Variants in MYRIP observed in about 807,000 individuals in gnomAD.
The protein encoded by MYRIP is rab effector MyRIP.
A neutral mutation model predicts 98.0 loss-of-function variants in MYRIP; 49 were observed. The ratio of observed to expected loss-of-function variants is 0.50; its 90% CI spans 0.40 to 0.63. The LOEUF (loss-of-function observed/expected upper bound fraction) is 0.63. Ranked by LOEUF, MYRIP falls within the 30% of genes least tolerant of loss-of-function variation. The probability of loss-of-function intolerance (pLI) is 0.00; values close to 1 mark genes in which losing one functional copy is unlikely to be tolerated. For synonymous variants in MYRIP, 404 were observed against 409.5 expected (o/e 0.99, Z 0.16); for missense variants, 1,004 against 1,058.2 (o/e 0.95, Z 0.71).
intron 3 of MYRIP, among the ~76,000 whole-genome samples, chr3:40,129,012 A>C (rs141980675): frequency 9.9e-5 from 15 of 152,262 alleles, no homozygotes; most frequent in Admixed American, 7.9e-4. Context: ...TTAATTATTC[A>C]ATTCCTCTTC....
chr3:39,854,867 G>A (rs1463468233), intron 1 of MYRIP, among the ~76,000 whole-genome samples: 1 of 152,134 alleles, frequency 6.6e-6, no homozygotes, highest in Non-Finnish European at 1.5e-5. Flanking sequence ...TTCTCCTAGG[G>A]GTGGGGTTTC....
At chr3:40,205,193 A>G (rs925024903) in intron 10 of MYRIP, among the ~76,000 whole-genome samples, 2 of 152,094 alleles carry the variant, frequency 1.3e-5, no homozygotes, top group African/African-American at 4.8e-5. Context: ...GCATCCTGCA[A>G]GGCTGCTTCT....
intron 1 of MYRIP, among the ~76,000 whole-genome samples, chr3:39,851,071 G>A (rs571879095): frequency 6.6e-6 from 1 of 152,344 alleles, no homozygotes; most frequent in African/African-American, 2.4e-5. Context: ...CAAGATGACA[G>A]GGGGATATTC....
At chr3:39,983,886 G>A (rs572894324) in intron 2 of MYRIP, among the ~76,000 whole-genome samples, 23 of 152,258 alleles carry the variant, frequency 1.5e-4, no homozygotes, top group African/African-American at 5.1e-4. Context: ...AATACCCCCT[G>A]TTATTATTAA....
At chr3:40,159,639 ACG>A (rs1181527427) in intron 4 of MYRIP, among the ~76,000 whole-genome samples, 58 of 152,050 alleles carry the variant, frequency 3.8e-4, no homozygotes. Context: ...CACCAATCAG[ACG>A]TAGATTTGGT....
intron 12 of MYRIP, among the ~76,000 whole-genome samples, chr3:40,241,761 T>G (rs915351094): frequency 1.3e-5 from 2 of 152,202 alleles, no homozygotes; most frequent in Non-Finnish European, 2.9e-5. Flanking sequence ...GAAGGGGTCA[T>G]AGATTACTCA....
chr3:39,830,496 C>T (rs892605539), intron 1 of MYRIP, among the ~76,000 whole-genome samples: 9 of 152,144 alleles, frequency 5.9e-5, no homozygotes, highest in African/African-American at 1.7e-4. Flanking sequence ...CACATTGTCC[C>T]GGTTTCCTCT....
intron 1 of MYRIP, among the ~76,000 whole-genome samples, chr3:39,879,064 C>G (rs967198184): frequency 2.0e-5 from 3 of 150,372 alleles, no homozygotes; most frequent in Non-Finnish European, 4.4e-5. Context: ...GACTCTGTCT[C>G]AAAAAAATAA....
intron 1 of MYRIP, among the ~76,000 whole-genome samples, chr3:39,830,729 G>A (rs568350663): frequency 6.6e-6 from 1 of 151,858 alleles, no homozygotes; most frequent in South Asian, 2.1e-4. Flanking sequence ...GTTTCTCATG[G>A]GCTTACAAAT....
chr3:40,050,464 A>G lies in MYRIP; in HGVS notation c.332+6193A>G, dbSNP rs527977202. Among the ~76,000 whole-genome samples the G allele has an allele frequency of 7.2e-4, 86 of 119,892 alleles. No homozygotes were observed. In the East Asian group the frequency reaches 0.022, roughly 31 times the overall value. The allele number at this position is 119,892 out of a possible 152,430, so 78.7% of individuals were successfully genotyped here. ...CCACTTTTGAGACCTACTGCTCAGAAAAAAAAAAAGATTCCTTTCAAAATA... is the reference window on the plus strand; with the variant it reads ...CCACTTTTGAGACCTACTGCTCAGAGAAAAAAAAAGATTCCTTTCAAAATA... On this transcript the variant is annotated intron_variant, in intron 3 of 16. Transcript: ENST00000302541.
At chr3:39,901,008 T>G in intron 2 of MYRIP, 82 bp downstream of exon 2, 1 of 989,776 alleles carries the variant, frequency 1.0e-6, no homozygotes, top group Non-Finnish European at 1.6e-6. Context: ...TATTCCCTCC[T>G]GCTAGCCCTG....
At chr3:40,177,959 ATAGAAT>A (rs1950803674) in intron 8 of MYRIP, among the ~76,000 whole-genome samples, 1 of 152,120 alleles carries the variant, frequency 6.6e-6, no homozygotes, top group Non-Finnish European at 1.5e-5. Flanking sequence ...TGGCCATAGT[ATAGAAT>A]TAAAGTACTT....
At chr3:40,199,579 G>A (rs1044944998) in intron 10 of MYRIP, among the ~76,000 whole-genome samples, 3 of 152,072 alleles carry the variant, frequency 2.0e-5, no homozygotes, top group Non-Finnish European at 2.9e-5. Flanking sequence ...CAGAAGGTTC[G>A]CCTGCCTCTG....
chr3:40,183,217 A>G (rs1950938625), intron 9 of MYRIP, among the ~76,000 whole-genome samples: 1 of 152,214 alleles, frequency 6.6e-6, no homozygotes, highest in Non-Finnish European at 1.5e-5. Context: ...GAGAAATGGC[A>G]TCCTGGCTGG....
rs537390238 is a variant in MYRIP, at chr3:39,863,589, G to A, written c.-30-37198G>A. Among the ~76,000 whole-genome samples, 30 of 152,224 alleles carry A rather than the reference G, an allele frequency of 2.0e-4. No individual in the cohort carries two copies. The South Asian group carries it at 2.3e-3, about 12-fold the overall frequency. Reference sequence around the variant, plus strand: ...AAGAAATGGATAAATTTCTGCAAATGTACAACCTCCCAAGATTGAACCAGG... The same window carrying A: ...AAGAAATGGATAAATTTCTGCAAATATACAACCTCCCAAGATTGAACCAGG... On this transcript the variant is annotated intron_variant, in intron 1 of 16. Transcript: ENST00000302541.
At chr3:40,115,692 T>C (rs1267188744) in intron 3 of MYRIP, among the ~76,000 whole-genome samples, 3 of 152,148 alleles carry the variant, frequency 2.0e-5, no homozygotes, top group Admixed American at 6.5e-5. Flanking sequence ...TTCTATTCTC[T>C]TAGTTTACAG....
Position 40,190,410 on chromosome 3 carries a change from A to G in MYRIP, c.1612A>G (p.Ser538Gly), listed in dbSNP as rs923135029. 6 of 1,611,490 alleles carry G rather than the reference A, an allele frequency of 3.7e-6. No homozygotes were observed. The African/African-American group carries it at 6.7e-5, about 18-fold the overall frequency. Residue 538 changes from serine to glycine, a missense_variant, in exon 10 of 17, where the codon AGC becomes GGC. Ser to Gly is a moderately conservative substitution (Grantham distance 56, BLOSUM62 0). This residue lies in a region of MYRIP where 880 missense variants were observed against 907.7 expected (regional missense o/e 0.97). Coordinates refer to ENST00000302541, the MANE Select transcript of MYRIP (RefSeq NM_015460.4). The part of the protein sequence containing the change: ...RRARLGSEEP[S>G]KEPSSPSAQL... ...AGCCCGACTGGGCTCAGAAGAGCCAAGCAAAGAACCATCTTCCCCCAGCGC... is the reference window on the plus strand; with the variant it reads ...AGCCCGACTGGGCTCAGAAGAGCCAGGCAAAGAACCATCTTCCCCCAGCGC...
chr3:40,080,144 A>C (rs1948442920), intron 3 of MYRIP, among the ~76,000 whole-genome samples: 1 of 152,200 alleles, frequency 6.6e-6, no homozygotes, highest in Non-Finnish European at 1.5e-5. Context: ...TTCCAGAATC[A>C]AGAAGTTCTT....
intron 1 of MYRIP, among the ~76,000 whole-genome samples, chr3:39,849,100 A>G (rs1942053741): frequency 6.6e-6 from 1 of 152,170 alleles, no homozygotes; most frequent in South Asian, 2.1e-4. Flanking sequence ...TGTCTATCCT[A>G]TAGGATATAG....
Sources: allele counts gnomAD v4.1 joint callset (sites outside exome capture counted in the v4.1 genomes callset), GRCh38; gene constraint gnomAD v4.1.1; regional missense constraint gnomAD v4.1.1; transcripts MANE v1.5; gene names NCBI Gene and HGNC (gene_info 2026-07-23, HGNC 2026-07-21).